TMTC1: variants seen among roughly 807,000 people sequenced by gnomAD.
TMTC1 encodes the protein protein O-mannosyl-transferase TMTC1.
A neutral mutation model predicts 104.8 loss-of-function variants in TMTC1; 73 were observed. The ratio of observed to expected loss-of-function variants is 0.70; its 90% CI spans 0.58 to 0.85. The LOEUF (loss-of-function observed/expected upper bound fraction) is 0.85, where lower values mean the gene tolerates loss of function less well. TMTC1 is among the 40% of genes least tolerant of loss of function. The pLI, the probability that TMTC1 is intolerant of heterozygous loss-of-function variation, is 0.00. For missense variants in TMTC1, 1,035 were observed against 1,096.1 expected, an observed-to-expected ratio of 0.94 and a Z score of 0.79; for synonymous variants, 434 against 428.7, an observed-to-expected ratio of 1.01 and a Z score of -0.15.
chr12:29,753,466 T>C (rs1943140473), intron 4 of TMTC1, among the ~76,000 whole-genome samples: 1 of 152,246 alleles, frequency 6.6e-6, no homozygotes, highest in African/African-American at 2.4e-5. Flanking sequence ...GGTTCAAATC[T>C]TGGCTCCTCT....
At position 29,693,186 on chromosome 12, in the gene TMTC1, G is replaced by C. The variant is rs558691892; in HGVS notation, c.938+58480C>G. Among the ~76,000 whole-genome samples the C allele has an allele frequency of 1.6e-4, 23 of 144,980 alleles. 1 individual carries two copies. The highest frequency in any genetic ancestry group is 5.8e-4 in the African/African-American group (23 of 39,804). On this transcript the variant is annotated intron_variant, in intron 5 of 17. Transcript: ENST00000539277. ...TATTTAAATACATACGATGTGTACT[G>C]ATCAAATCAGCTGTAAAAGTTTTGA...
intron 9 of TMTC1, among the ~76,000 whole-genome samples, chr12:29,563,705 T>G (rs907950567): frequency 6.6e-6 from 1 of 152,176 alleles, no homozygotes; most frequent in Non-Finnish European, 1.5e-5. Context: ...GATCGAGATT[T>G]TATGCATTAT....
chr12:29,694,839 C>G (rs148262548), intron 5 of TMTC1, among the ~76,000 whole-genome samples: 6,967 of 152,214 alleles, frequency 0.046, 235 homozygotes, highest in South Asian at 0.18. Context: ...ATTTGGGAGG[C>G]TGGGGCAGGA....
intron 2 of TMTC1, among the ~76,000 whole-genome samples, chr12:29,763,476 CCA>C (rs1202947782): frequency 1.3e-5 from 2 of 152,206 alleles, no homozygotes; most frequent in African/African-American, 4.8e-5. Context: ...GTGTTTAACT[CCA>C]GTTAACAAAC....
At chr12:29,657,682 G>C (rs1039652336) in intron 5 of TMTC1, among the ~76,000 whole-genome samples, 6 of 152,042 alleles carry the variant, frequency 3.9e-5, no homozygotes, top group African/African-American at 1.4e-4. Flanking sequence ...GGGAAATAAA[G>C]ACAAAGAAAG....
chr12:29,554,289 C>A (rs1945180609), intron 10 of TMTC1, among the ~76,000 whole-genome samples: 1 of 151,766 alleles, frequency 6.6e-6, no homozygotes, highest in Non-Finnish European at 1.5e-5. Context: ...AAAAGAGCCT[C>A]TTAGAACTAA....
At chr12:29,661,878 G>T (rs984655167) in intron 5 of TMTC1, among the ~76,000 whole-genome samples, 2 of 152,104 alleles carry the variant, frequency 1.3e-5, no homozygotes, top group Non-Finnish European at 2.9e-5. Context: ...TTCTAGAGGG[G>T]CAGGAACCTG....
At chr12:29,643,518 TATA>T (rs1441989358) in intron 5 of TMTC1, among the ~76,000 whole-genome samples, 1 of 84,248 alleles carries the variant, frequency 1.2e-5, no homozygotes, top group Non-Finnish European at 2.1e-5. Context: ...TTATATATAA[TATA>T]ATATAAAATA....
chr12:29,610,579 G>A (rs533215910), intron 6 of TMTC1, among the ~76,000 whole-genome samples: 1 of 152,238 alleles, frequency 6.6e-6, no homozygotes, highest in East Asian at 1.9e-4. Flanking sequence ...GCAGTCTTAT[G>A]GGTAAAAAGA....
At chr12:29,755,397 A>AT (rs1210224092) in intron 4 of TMTC1, among the ~76,000 whole-genome samples, 1 of 152,206 alleles carries the variant, frequency 6.6e-6, no homozygotes, top group Non-Finnish European at 1.5e-5. Context: ...ATGAATCAAG[A>AT]TTTTCTCAGC....
intron 5 of TMTC1, among the ~76,000 whole-genome samples, chr12:29,720,040 G>A (rs1208251510): frequency 6.6e-6 from 1 of 152,104 alleles, no homozygotes; most frequent in African/African-American, 2.4e-5. Flanking sequence ...CCATCTTGAG[G>A]ACTCAGTAAC....
intron 5 of TMTC1, among the ~76,000 whole-genome samples, chr12:29,679,524 C>A (rs560837936): frequency 6.6e-6 from 1 of 152,148 alleles, no homozygotes; most frequent in South Asian, 2.1e-4. Flanking sequence ...GCTCAGAAAC[C>A]TTTATGGAAT....
rs536211783 is a variant in TMTC1 at position 29,756,633 on chromosome 12, C to T, written c.555-748G>A. Among the ~76,000 whole-genome samples the T allele has an allele frequency of 1.7e-4, 26 of 152,088 alleles. 1 individual carries two copies. Among genetic ancestry groups the T allele is most frequent in the African/African-American group, 5.5e-4 (23 of 41,466 alleles). On this transcript the variant is annotated intron_variant, in intron 3 of 17. Transcript: ENST00000539277. Reference sequence around the variant, plus strand: ...CCAACAAGGATTTTCAAAATCTCTCCGGTGCTGTTAAGCTTTTGTTTCACC... The same window carrying T: ...CCAACAAGGATTTTCAAAATCTCTCTGGTGCTGTTAAGCTTTTGTTTCACC...
intron 5 of TMTC1, among the ~76,000 whole-genome samples, chr12:29,734,178 C>T (rs922890056): frequency 6.6e-6 from 1 of 152,172 alleles, no homozygotes; most frequent in Non-Finnish European, 1.5e-5. Context: ...TCTCTTTTTC[C>T]TAATTCAATA....
chr12:29,555,313 A>T (rs1380135127), intron 10 of TMTC1, among the ~76,000 whole-genome samples: 2 of 150,292 alleles, frequency 1.3e-5, no homozygotes, highest in Admixed American at 6.6e-5. Flanking sequence ...ATTTTTTTTT[A>T]TTTTTTATTT....
At chr12:29,741,733 G>T (rs769236051) in intron 5 of TMTC1, among the ~76,000 whole-genome samples, 1 of 152,224 alleles carries the variant, frequency 6.6e-6, no homozygotes, top group African/African-American at 2.4e-5. Flanking sequence ...GAGGGAGAAT[G>T]AAAAGCGTTT....
chr12:29,530,823 A>G (rs898291831), intron 11 of TMTC1, among the ~76,000 whole-genome samples: 4 of 152,216 alleles, frequency 2.6e-5, no homozygotes, highest in African/African-American at 9.6e-5. Context: ...AGCTCAATAC[A>G]TATTAGAAGT....
chr12:29,575,949 G>A (rs1945811638), intron 8 of TMTC1, among the ~76,000 whole-genome samples: 1 of 152,144 alleles, frequency 6.6e-6, no homozygotes, highest in Admixed American at 6.5e-5. Flanking sequence ...TAACAGTTGT[G>A]GGGTAATACG....
At chr12:29,568,020 T>C (rs922970835) in intron 9 of TMTC1, among the ~76,000 whole-genome samples, 7 of 152,220 alleles carry the variant, frequency 4.6e-5, no homozygotes, top group African/African-American at 1.7e-4. Context: ...ATACATGTAC[T>C]GCAGCCTAAT....
Sources: gnomAD v4.1 joint callset for allele counts (sites outside exome capture counted in the v4.1 genomes callset) on GRCh38, gnomAD v4.1.1 for gene constraint, MANE v1.5 for transcripts, NCBI Gene and HGNC (gene_info 2026-07-23, HGNC 2026-07-21) for gene names.